The following NRP1 variants were observed in gnomAD, a reference collection of about 807,000 sequenced individuals.
The protein encoded by NRP1 is neuropilin 1.
Under a neutral mutation model 106.7 loss-of-function variants are expected in NRP1, and 35 were observed. The observed-to-expected ratio is 0.33, with a 90% CI of 0.25 to 0.43. The LOEUF is 0.43. NRP1 is among the 20% of genes least tolerant of loss of function. The probability of loss-of-function intolerance (pLI) is 1.00; values close to 1 mark genes in which losing one functional copy is unlikely to be tolerated. For missense variants in NRP1, 1,024 were observed against 1,170.4 expected, an observed-to-expected ratio of 0.87 and a Z score of 1.83; for synonymous variants, 437 against 417.9, an observed-to-expected ratio of 1.05 and a Z score of -0.56.
chr10:33,330,356 A>G (rs1214643061), intron 2 of NRP1, among the ~76,000 whole-genome samples: 2 of 152,010 alleles, frequency 1.3e-5, no homozygotes, highest in African/African-American at 2.4e-5. Flanking sequence ...GTAAAAATAC[A>G]AGTGAGATTT....
At chr10:33,280,284 C>T (rs1187485439) in intron 2 of NRP1, among the ~76,000 whole-genome samples, 1 of 152,146 alleles carries the variant, frequency 6.6e-6, no homozygotes, top group African/African-American at 2.4e-5. Context: ...CCCAAGGATT[C>T]ATTTTAAACG....
intron 3 of NRP1, among the ~76,000 whole-genome samples, chr10:33,269,439 A>C (rs1375213582): frequency 6.6e-6 from 1 of 152,222 alleles, no homozygotes; most frequent in African/African-American, 2.4e-5. Context: ...AACTGATCAC[A>C]TGCATGCGCC....
chr10:33,311,577 A>T (rs1013847006), intron 2 of NRP1, among the ~76,000 whole-genome samples: 2 of 152,210 alleles, frequency 1.3e-5, no homozygotes, highest in African/African-American at 4.8e-5. Flanking sequence ...TGATCGGCAC[A>T]TACTGGTTGG....
intron 3 of NRP1, among the ~76,000 whole-genome samples, chr10:33,265,369 C>T (rs1437130970): frequency 6.6e-6 from 1 of 152,170 alleles, no homozygotes; most frequent in Non-Finnish European, 1.5e-5. Flanking sequence ...CGTGATGGGG[C>T]CCCGGCAATG....
intron 2 of NRP1, among the ~76,000 whole-genome samples, chr10:33,311,806 A>G (rs565302533): frequency 3.3e-5 from 5 of 152,340 alleles, no homozygotes; most frequent in South Asian, 4.1e-4. Flanking sequence ...TTCAACATCA[A>G]TCTCAGGACT....
chr10:33,321,056 G>T (rs1847468111), intron 2 of NRP1, among the ~76,000 whole-genome samples: 1 of 152,156 alleles, frequency 6.6e-6, no homozygotes, highest in South Asian at 2.1e-4. Flanking sequence ...GCCTGATCTT[G>T]GCTCACTGCA....
intron 6 of NRP1, among the ~76,000 whole-genome samples, chr10:33,230,497 C>T (rs1160675391): frequency 6.6e-6 from 1 of 152,110 alleles, no homozygotes; most frequent in Non-Finnish European, 1.5e-5. Flanking sequence ...CTCTACTCTA[C>T]CACGATGAAG....
In NRP1 at chr10:33,191,256, C is replaced by G. The variant is rs553491716; in HGVS notation, c.2062+1025G>C. ...TAGAGTTCACTGGAGAAGCTGCCAGCTTTTTCTGTCCCCCAACCCATTCCT... is the reference window on the plus strand; with the variant it reads ...TAGAGTTCACTGGAGAAGCTGCCAGGTTTTTCTGTCCCCCAACCCATTCCT... On this transcript the variant is annotated intron_variant, in intron 13 of 16. Coordinates refer to ENST00000374867, the MANE Select transcript of NRP1 (RefSeq NM_003873.7). 1.3e-4 allele frequency among the ~76,000 whole-genome samples: 20 copies of G among 152,270 alleles called. No individual in the cohort carries two copies. In the East Asian group the frequency reaches 3.7e-3, roughly 28 times the overall value.
intron 6 of NRP1, among the ~76,000 whole-genome samples, chr10:33,236,305 G>A (rs929529025): frequency 9.2e-5 from 14 of 152,228 alleles, no homozygotes; most frequent in Admixed American, 2.6e-4. Context: ...GTATACATGG[G>A]ATGAAAATCT....
At chr10:33,199,383 ATATATATTT>A (rs1837074520) in intron 11 of NRP1, among the ~76,000 whole-genome samples, 2 of 59,944 alleles carry the variant, frequency 3.3e-5, no homozygotes, top group African/African-American at 6.9e-5. Context: ...ATATATATAT[ATATATATTT>A]TTTTTTTTTT....
intron 2 of NRP1, among the ~76,000 whole-genome samples, chr10:33,275,468 T>A (rs991191741): frequency 2.0e-5 from 3 of 152,044 alleles, no homozygotes; most frequent in Non-Finnish European, 2.9e-5. Context: ...CTCGGGAGGC[T>A]GAGGCAGGAG....
rs1835574684 is a variant in NRP1, at chr10:33,179,938, T to C, written c.*138A>G. ...TGTCCATGTCTGTCGGCCATACTCA[T>C]TGAAGCTCCTGAGAAAAGCCTGGCT... is the stretch of plus-strand genomic sequence containing the variant. On this transcript the variant is annotated 3_prime_UTR_variant, in exon 17 of 17. Transcript: ENST00000374867. 1.2e-6 allele frequency: 1 copy of C among 833,956 alleles called. No homozygotes were observed. The highest frequency in any genetic ancestry group is 1.9e-6 in the Non-Finnish European group (1 of 517,054). The allele number at this position is 833,956 out of a possible 1,614,324, so 51.7% of individuals were successfully genotyped here.
intron 12 of NRP1, chr10:33,194,459 T>C: frequency 4.1e-6 from 1 of 246,476 alleles, no homozygotes; most frequent in Non-Finnish European, 8.3e-6. Flanking sequence ...CTCTTCATAT[T>C]CTGATGATAC....
chr10:33,208,899 CTTTTTTTTTTTT>C (rs11310131), intron 9 of NRP1, among the ~76,000 whole-genome samples: 79 of 85,284 alleles, frequency 9.3e-4, no homozygotes, highest in Admixed American at 8.8e-3. Context: ...TTAGAGCAGC[CTTTTTTTTTTTT>C]TTTTTTTTTT....
chr10:33,329,106 C>A (rs746567242), intron 2 of NRP1, among the ~76,000 whole-genome samples: 1 of 152,070 alleles, frequency 6.6e-6, no homozygotes, highest in Non-Finnish European at 1.5e-5. Flanking sequence ...AGGTGATTGA[C>A]ACTGTAAAAA....
chr10:33,243,600 C>T (rs1048269842), intron 6 of NRP1, among the ~76,000 whole-genome samples: 1 of 147,216 alleles, frequency 6.8e-6, no homozygotes, highest in Non-Finnish European at 1.5e-5. Flanking sequence ...ATCTCATTCT[C>T]CTGAAAGAAG....
chr10:33,260,351 C>T (rs1424438535), intron 4 of NRP1, among the ~76,000 whole-genome samples: 2 of 152,086 alleles, frequency 1.3e-5, no homozygotes, highest in African/African-American at 4.8e-5. Context: ...ATATCTATCT[C>T]TTCTAAATTA....
chr10:33,237,576 CTTTTTT>C (rs36019831), intron 6 of NRP1, among the ~76,000 whole-genome samples: 7,301 of 100,036 alleles, frequency 0.073, 620 homozygotes, highest in African/African-American at 0.26. Context: ...TTTCCTTCTT[CTTTTTT>C]TTTTTTTTTT....
chr10:33,294,767 C>T (rs892457639), intron 2 of NRP1, among the ~76,000 whole-genome samples: 1 of 152,110 alleles, frequency 6.6e-6, no homozygotes, highest in Non-Finnish European at 1.5e-5. Context: ...CGTAAGGGAA[C>T]CTGGGACAGA....
Sources: gnomAD v4.1 joint callset for allele counts (sites outside exome capture counted in the v4.1 genomes callset) on GRCh38, gnomAD v4.1.1 for gene constraint, MANE v1.5 for transcripts, NCBI Gene and HGNC (gene_info 2026-07-23, HGNC 2026-07-21) for gene names.